PIK3CB: variants seen among roughly 807,000 people sequenced by gnomAD.
PIK3CB encodes phosphatidylinositol 4,5-bisphosphate 3-kinase catalytic subunit beta isoform.
PIK3CB carries 39 observed loss-of-function variants against 136.8 expected under a neutral mutation model. The observed-to-expected ratio is 0.29, with a 90% CI of 0.22 to 0.37. PIK3CB has a LOEUF of 0.37. Ranked by LOEUF, PIK3CB falls within the 10% of genes least tolerant of loss-of-function variation. The pLI, the probability that PIK3CB is intolerant of heterozygous loss-of-function variation, is 1.00. For missense variants in PIK3CB, 868 were observed against 1,275.4 expected, an observed-to-expected ratio of 0.68 and a Z score of 4.87; for synonymous variants, 428 against 436.6, an observed-to-expected ratio of 0.98 and a Z score of 0.25.
chr3:138,759,149 T>C (rs765620961), intron 3 of PIK3CB, 24 bp downstream of exon 3: 17 of 1,491,290 alleles, frequency 1.1e-5, no homozygotes, highest in South Asian at 3.6e-5. Context: ...GCTAAACACA[T>C]AGAAATTATA....
intron 8 of PIK3CB, among the ~76,000 whole-genome samples, chr3:138,729,102 G>A (rs1293217472): frequency 2.6e-5 from 4 of 152,066 alleles, no homozygotes; most frequent in South Asian, 2.1e-4. Context: ...CCAACATGGC[G>A]AAACCCTGTC....
At chr3:138,784,438 CGTCTCCGTCTCCCACTTTGCACG>C in intron 2 of PIK3CB, among the ~76,000 whole-genome samples, 1 of 152,186 alleles carries the variant, frequency 6.6e-6, no homozygotes, top group South Asian at 2.1e-4. Flanking sequence ...CTCTCGTCTC[CGTCTCCGTCTCCCACTTTGCACG>C]GTCTCCCTCT....
intron 1 of PIK3CB, among the ~76,000 whole-genome samples, chr3:138,815,162 A>AAAAT (rs1553743711): frequency 0.012 from 780 of 62,402 alleles, 61 homozygotes; most frequent in African/African-American, 0.046. Flanking sequence ...AAAAAAAAAA[A>AAAAT]ATATATATAT....
At position 138,653,590 on chromosome 3, in the gene PIK3CB, C is replaced by G. The variant is rs113717258; in HGVS notation, c.*1799G>C. ...TACTAGACAAAGATCTCTGAACAAA[C>G]CTGTCCTTCCATAGTTCTATTCCTG... On this transcript the variant is annotated 3_prime_UTR_variant, in exon 24 of 24. Transcript: ENST00000674063. 1 of 184,988 alleles carries G rather than the reference C, an allele frequency of 5.4e-6. No homozygotes were observed. The highest frequency in any genetic ancestry group is 2.3e-5 in the African/African-American group (1 of 42,646). The allele number at this position is 184,988 out of a possible 1,614,324, so 11.5% of individuals were successfully genotyped here.
In PIK3CB at chr3:138,657,734, A is replaced by G; in HGVS notation, c.2898T>C (p.His966=). Residue 966 remains histidine (H), a synonymous_variant, in exon 22 of 24, where the codon CAT becomes CAC. Transcript: ENST00000674063. ...TTCCTGTTTTTCCTTGTTGAATGACATGGATGAAATCATAGGTAAGAATAA... is the reference window on the plus strand; with the variant it reads ...TTCCTGTTTTTCCTTGTTGAATGACGTGGATGAAATCATAGGTAAGAATAA... ...VPFILTYDFI[H]VIQQGKTGNT... 6.2e-7 allele frequency: 1 copy of G among 1,613,778 alleles called. No homozygotes were observed. Among genetic ancestry groups the G allele is most frequent in the Non-Finnish European group, 8.5e-7 (1 of 1,179,788 alleles).
chr3:138,677,638 T>C (rs1324139550), intron 19 of PIK3CB, among the ~76,000 whole-genome samples: 1 of 152,214 alleles, frequency 6.6e-6, no homozygotes, highest in Non-Finnish European at 1.5e-5. Flanking sequence ...GACTCATGCC[T>C]GTAATCCCAA....
At chr3:138,749,311 T>C (rs1157578786) in intron 4 of PIK3CB, among the ~76,000 whole-genome samples, 1 of 152,230 alleles carries the variant, frequency 6.6e-6, no homozygotes, top group Non-Finnish European at 1.5e-5. Flanking sequence ...CTCTGTCCAC[T>C]TCTCTCAATT....
intron 2 of PIK3CB, among the ~76,000 whole-genome samples, chr3:138,783,299 T>G (rs80190636): frequency 1.2e-4 from 18 of 152,000 alleles, no homozygotes; most frequent in Non-Finnish European, 2.1e-4. Flanking sequence ...TAATTTTTTT[T>G]GGGACAGAGT....
chr3:138,747,370 C>A (rs958866420), intron 4 of PIK3CB, among the ~76,000 whole-genome samples: 2 of 151,804 alleles, frequency 1.3e-5, no homozygotes, highest in African/African-American at 4.8e-5. Context: ...CTTTTTACTG[C>A]AATATGCAAT....
rs758175087 is a variant in PIK3CB at position 138,742,650 on chromosome 3, G to A, written c.529C>T (p.Pro177Ser). ...GGGATGGATGGTTCATGCTCTGGTG[G>A]ATATGTTTGTTTTAGCCAGTCCATC... The part of the protein sequence containing the change: ...SWMDWLKQTY[P>S]PEHEPSIPEN... The change falls in exon 5 of 24, where the codon CCA (proline) becomes TCA (serine). Residue 177 changes from proline (P) to serine (S), a missense_variant. Physicochemically the swap from Pro to Ser is moderately conservative, Grantham distance 74. Transcript: ENST00000674063. 6.2e-7 allele frequency: 1 copy of A among 1,608,956 alleles called. No individual in the cohort carries two copies. The highest frequency in any genetic ancestry group is 1.7e-5 in the Admixed American group (1 of 59,976).
chr3:138,790,273 T>C (rs1240102993), intron 2 of PIK3CB, among the ~76,000 whole-genome samples: 1 of 152,064 alleles, frequency 6.6e-6, no homozygotes, highest in Non-Finnish European at 1.5e-5. Context: ...AGTGATGATG[T>C]ACTTTTGTGA....
rs76562129 is a variant in PIK3CB at position 138,682,925 on chromosome 3, T to C, written c.2425+753A>G. Among the ~76,000 whole-genome samples, 1,308 of 152,328 alleles carry C rather than the reference T, an allele frequency of 8.6e-3. 26 individuals are homozygous for C. The highest frequency in any genetic ancestry group is 0.029 in the African/African-American group (1,186 of 41,574). ...ATAACTAACAAGTCACCACTGCCTA[T>C]TGGCTGGTATGATTACTTCAGAGGC... On this transcript the variant is annotated intron_variant, in intron 18 of 23. Transcript: ENST00000674063.
At chr3:138,728,008 C>T (rs1268759259) in intron 8 of PIK3CB, among the ~76,000 whole-genome samples, 3 of 152,116 alleles carry the variant, frequency 2.0e-5, no homozygotes, top group Middle Eastern at 3.4e-3. Context: ...CCGCCCGCCT[C>T]GGCCTGTTGG....
chr3:138,705,673 A>G (rs939740840), intron 11 of PIK3CB, among the ~76,000 whole-genome samples: 6 of 152,222 alleles, frequency 3.9e-5, no homozygotes, highest in Non-Finnish European at 7.3e-5. Flanking sequence ...AAGTATTTAT[A>G]AAGTATAATA....
At position 138,737,805 on chromosome 3, in the gene PIK3CB, GA is replaced by G. The variant is rs1190593306; in HGVS notation, c.702del (p.His235MetfsTer20). ...GGGCTAACTTCATCTTCCTTCCCAT[GA>G]ATAGTCAAACGTTTTTGGATTGCCA... ...NELAIQKRLT[I>X]HGKEDEVSPY... On this transcript the variant is annotated frameshift_variant, in exon 6 of 24. Coordinates refer to ENST00000674063, the MANE Select transcript of PIK3CB (RefSeq NM_006219.3). LOFTEE classifies it high-confidence loss of function. The G allele has an allele frequency of 1.2e-6, 2 of 1,610,402 alleles. No individual in the cohort carries two copies. The highest frequency in any genetic ancestry group is 1.7e-6 in the Non-Finnish European group (2 of 1,177,750).
At position 138,813,995 on chromosome 3, in the gene PIK3CB, A is replaced by G. The variant is rs76477233; in HGVS notation, c.-121-17428T>C. Among the ~76,000 whole-genome samples, 13 of 152,296 alleles carry G rather than the reference A, an allele frequency of 8.5e-5. No individual in the cohort carries two copies. The East Asian group carries it at 1.9e-3, about 23-fold the overall frequency. On this transcript the variant is annotated intron_variant, in intron 1 of 23. Coordinates refer to ENST00000674063, the MANE Select transcript of PIK3CB (RefSeq NM_006219.3). ...AAGTTGGGGACAGGGAAAGGAGCAG[A>G]AAGCTTTCTCAATGTGGATACTATA...
chr3:138,769,204 G>C (rs2045770635), intron 2 of PIK3CB, among the ~76,000 whole-genome samples: 1 of 152,212 alleles, frequency 6.6e-6, no homozygotes, highest in East Asian at 1.9e-4. Flanking sequence ...GGCAGCAGCT[G>C]TTCTAGACGG....
At chr3:138,688,218 G>A (rs2043933132) in intron 16 of PIK3CB, among the ~76,000 whole-genome samples, 1 of 152,038 alleles carries the variant, frequency 6.6e-6, no homozygotes, top group South Asian at 2.1e-4. Context: ...ATAGGGTGGG[G>A]CAGCCAGGTA....
intron 2 of PIK3CB, among the ~76,000 whole-genome samples, chr3:138,791,926 A>T (rs2046055436): frequency 6.6e-6 from 1 of 152,218 alleles, no homozygotes; most frequent in South Asian, 2.1e-4. Context: ...ATAAATCTTC[A>T]AAATAACACT....
Sources: gnomAD v4.1 joint callset for allele counts (sites outside exome capture counted in the v4.1 genomes callset) on GRCh38, gnomAD v4.1.1 for gene constraint, MANE v1.5 for transcripts, NCBI Gene and HGNC (gene_info 2026-07-23, HGNC 2026-07-21) for gene names.